The following DPP3 variants were observed in gnomAD, a reference collection of about 807,000 sequenced individuals.
DPP3 encodes DPP III.
A neutral mutation model predicts 89.8 loss-of-function variants in DPP3; 64 were observed. The ratio of observed to expected loss-of-function variants is 0.71; its 90% confidence interval spans 0.58 to 0.88. DPP3 has a LOEUF of 0.88. DPP3 is among the 40% of genes least tolerant of loss of function. DPP3 has a pLI of 0.00. For missense variants in DPP3, 835 were observed against 972.5 expected (o/e 0.86, Z 1.88); for synonymous variants, 377 against 404.3 (o/e 0.93, Z 0.81).
intron 5 of DPP3, 80 bp from the exon 6 acceptor site, chr11:66,487,834 A>C: frequency 7.5e-7 from 1 of 1,338,480 alleles, no homozygotes; most frequent in Non-Finnish European, 1.1e-6. Context: ...CTTCTCCCCT[A>C]GGGTTGACCC....
In DPP3 at chr11:66,509,099, G is replaced by C; in HGVS notation, c.2062G>C (p.Glu688Gln). The C allele has an allele frequency of 6.2e-7, 1 of 1,614,014 alleles. No homozygotes were observed. The highest frequency in any genetic ancestry group is 8.5e-7 in the Non-Finnish European group (1 of 1,180,002). The part of the protein sequence containing the change: ...RLEGSDVQLL[E>Q]YEASAAGLIR... Reference sequence around the variant, plus strand: ...CCCAGGCTCAGACGTGCAGCTTCTGGAATACGAGGCGTCAGCTGCTGGCCT... The same window carrying C: ...CCCAGGCTCAGACGTGCAGCTTCTGCAATACGAGGCGTCAGCTGCTGGCCT... Residue 688 changes from glutamate (E) to glutamine (Q), a missense_variant, in exon 18 of 18, where the codon GAA (glutamate) becomes CAA (glutamine). Transcript: ENST00000531863.
chr11:66,506,499 C>G (rs1293186094), intron 17 of DPP3, among the ~76,000 whole-genome samples: 2 of 152,134 alleles, frequency 1.3e-5, no homozygotes, highest in Admixed American at 6.5e-5. Context: ...AGGTGATCCA[C>G]CCTCCTCGGC....
intron 9 of DPP3, 77 bp from the exon 10 acceptor site, chr11:66,492,639 G>T (rs886390994): frequency 4.0e-6 from 6 of 1,491,482 alleles, no homozygotes; most frequent in Non-Finnish European, 5.4e-6. Flanking sequence ...TTCAGTACAT[G>T]CGTGATGGCT....
At chr11:66,484,492 A>G (rs1855169597) in intron 2 of DPP3, among the ~76,000 whole-genome samples, 1 of 151,966 alleles carries the variant, frequency 6.6e-6, no homozygotes, top group African/African-American at 2.4e-5. Flanking sequence ...CAGGAGTTCC[A>G]GGCCTGATGA....
rs1225986583 is a variant in DPP3 at position 66,487,974 on chromosome 11, T to G, written c.634T>G (p.Tyr212Asp). The G allele has an allele frequency of 1.2e-6, 2 of 1,614,052 alleles. No homozygotes were observed. Among genetic ancestry groups the G allele is most frequent in the Non-Finnish European group, 1.7e-6 (2 of 1,179,966 alleles). The stretch of plus-strand genomic sequence containing the variant: ...GGTCGATGGAGAAGGGAAGCCCTAC[T>G]ACGAGGTGCGGCTGGCTTCTGTGCT... ...KEVDGEGKPY[Y>D]EVRLASVLGS... Residue 212 changes from tyrosine (Y) to aspartate (D), a missense_variant, in exon 6 of 18, where the codon TAC (tyrosine) becomes GAC (aspartate). By Grantham distance (160) the Tyr-to-Asp change is radical. Coordinates refer to ENST00000531863, the MANE Select transcript of DPP3 (RefSeq NM_130443.4).
At chr11:66,491,945 A>C (rs1855405045) in intron 9 of DPP3, among the ~76,000 whole-genome samples, 189 bp downstream of exon 9, 1 of 152,134 alleles carries the variant, frequency 6.6e-6, no homozygotes, top group South Asian at 2.1e-4. Context: ...ATATTAACTA[A>C]TTTAGAGTCC....
intron 9 of DPP3, 180 bp from the exon 10 acceptor site, chr11:66,492,536 A>G: frequency 1.5e-6 from 1 of 657,172 alleles, no homozygotes. Flanking sequence ...GTGCAGCTGC[A>G]TCTTTCCTGT....
chr11:66,490,145 TAAAAAAAA>T (rs201526861), intron 6 of DPP3, among the ~76,000 whole-genome samples: 3 of 94,826 alleles, frequency 3.2e-5, no homozygotes, highest in Non-Finnish European at 6.9e-5. Flanking sequence ...AGATCCTATC[TAAAAAAAA>T]AAAAAAAAAA....
chr11:66,492,005 G>A (rs1329916140), intron 9 of DPP3, among the ~76,000 whole-genome samples: 1 of 152,226 alleles, frequency 6.6e-6, no homozygotes, highest in Admixed American at 6.5e-5. Context: ...GAGCACTGGG[G>A]CACAGTTGGG....
intron 6 of DPP3, among the ~76,000 whole-genome samples, chr11:66,489,064 C>T (rs1855309323): frequency 6.6e-6 from 1 of 152,190 alleles, no homozygotes; most frequent in African/African-American, 2.4e-5. Context: ...TGAGATTTCG[C>T]CATTTGGCCA....
chr11:66,487,566 G>GT (rs1470982227), intron 5 of DPP3, among the ~76,000 whole-genome samples: 2 of 152,172 alleles, frequency 1.3e-5, no homozygotes, highest in Non-Finnish European at 2.9e-5. Flanking sequence ...CGGGGTCCAT[G>GT]TGTCAGTGGT....
rs756292735 is a variant in DPP3 at position 66,495,621 on chromosome 11, CT to C, written c.1578-8del. On this transcript the variant is annotated splice_polypyrimidine_tract_variant and splice_region_variant and intron_variant, in intron 14 of 17. Transcript: ENST00000531863. ...TGACCATCCTGCCACCTGCCTGCCCCTCTCACAGGATCTTTGGCTTTGAGGG... is the reference window on the plus strand; with the variant it reads ...TGACCATCCTGCCACCTGCCTGCCCCCTCACAGGATCTTTGGCTTTGAGGG... 6.2e-7 allele frequency: 1 copy of C among 1,614,022 alleles called. No individual in the cohort carries two copies. The highest frequency in any genetic ancestry group is 1.7e-5 in the Admixed American group (1 of 60,000).
In DPP3 at chr11:66,492,702, T is replaced by A. The variant is rs1855423392; in HGVS notation, c.989-14T>A. The A allele has an allele frequency of 1.9e-6, 3 of 1,557,828 alleles. No homozygotes were observed. The highest frequency in any genetic ancestry group is 1.7e-6 in the Non-Finnish European group (2 of 1,153,784). On this transcript the variant is annotated splice_polypyrimidine_tract_variant and intron_variant, in intron 9 of 17. Transcript: ENST00000531863. ...GGAACCCTGCCAAGCCACAACCCCC[T>A]CCCTCCTCTGCAGGTTTCGTAGCTG...
At chr11:66,496,417 A>ATT (rs1284238665) in intron 15 of DPP3, among the ~76,000 whole-genome samples, 1 of 114,118 alleles carries the variant, frequency 8.8e-6, no homozygotes, top group Non-Finnish European at 1.9e-5. Flanking sequence ...AATTTTTTGT[A>ATT]TTTTTTTTTT....
At chr11:66,508,005 A>G (rs1855847019) in intron 17 of DPP3, among the ~76,000 whole-genome samples, 1 of 152,208 alleles carries the variant, frequency 6.6e-6, no homozygotes, top group Non-Finnish European at 1.5e-5. Context: ...TCTATGGCTT[A>G]ACTCCTAACA....
Position 66,486,589 on chromosome 11 carries a change from C to A in DPP3, c.410C>A (p.Pro137Gln). The change falls in exon 4 of 18, where the codon CCA (proline) becomes CAA (glutamine). Residue 137 changes from proline to glutamine, a missense_variant. Physicochemically the swap from Pro to Gln is moderately conservative, Grantham distance 76. Transcript: ENST00000531863. ...GGGAGTGAGGCTGCTCAGCAGCACC[C>A]AGAAGAAGTCAGGGGCCTCTGGCAG... The part of the protein sequence containing the change: ...ILGSEAAQQH[P>Q]EEVRGLWQTC... The A allele has an allele frequency of 6.3e-7, 1 of 1,582,056 alleles. No individual in the cohort carries two copies. Among genetic ancestry groups the A allele is most frequent in the South Asian group, 1.2e-5 (1 of 86,946 alleles).
intron 12 of DPP3, 31 bp from the exon 13 acceptor site, chr11:66,495,175 G>T (rs769816030): frequency 1.2e-6 from 2 of 1,612,140 alleles, no homozygotes; most frequent in African/African-American, 2.7e-5. Context: ...AGTTGGGGGC[G>T]CCTTTCCCTC....
chr11:66,480,472 C>T lies in DPP3; in HGVS notation c.-9+7C>T. 4 of 1,488,062 alleles carry T rather than the reference C, an allele frequency of 2.7e-6. No homozygotes were observed. Among genetic ancestry groups the T allele is most frequent in the Non-Finnish European group, 3.6e-6 (4 of 1,126,254 alleles). The allele number at this position is 1,488,062 out of a possible 1,614,324, so 92.2% of individuals were successfully genotyped here. Reference sequence around the variant, plus strand: ...AACGGAGCAGCTGCTGCAGGTGAGGCGCGGCGCCTGGGCTTTTGGGGTCAA... The same window carrying T: ...AACGGAGCAGCTGCTGCAGGTGAGGTGCGGCGCCTGGGCTTTTGGGGTCAA... On this transcript the variant is annotated splice_region_variant and intron_variant, in intron 1 of 17. Transcript: ENST00000531863.
At chr11:66,486,729 G>T in intron 4 of DPP3, 52 bp downstream of exon 4, 1 of 1,435,786 alleles carries the variant, frequency 7.0e-7, no homozygotes, top group Non-Finnish European at 9.2e-7. Context: ...AATCCTTCAA[G>T]GCCACCTGGT....
Sources: allele counts gnomAD v4.1 joint callset (sites outside exome capture counted in the v4.1 genomes callset), GRCh38; gene constraint gnomAD v4.1.1; transcripts MANE v1.5; gene names NCBI Gene and HGNC (gene_info 2026-07-23, HGNC 2026-07-21).